Variants in TASP1 observed in about 807,000 individuals in gnomAD.
TASP1 encodes the protein taspase 1.
TASP1 carries 16 observed loss-of-function variants against 56.6 expected under a neutral mutation model. The ratio of observed to expected loss-of-function variants is 0.28; its 90% confidence interval spans 0.19 to 0.43. The LOEUF is 0.43. TASP1 is among the 20% of genes least tolerant of loss of function. The pLI, the probability that TASP1 is intolerant of heterozygous loss-of-function variation, is 1.00. For missense variants in TASP1, 393 were observed against 511.6 expected, an observed-to-expected ratio of 0.77 and a Z score of 2.24; for synonymous variants, 179 against 184.2, an observed-to-expected ratio of 0.97 and a Z score of 0.23.
intron 11 of TASP1, among the ~76,000 whole-genome samples, chr20:13,476,834 TA>T (rs2042965454): frequency 6.6e-6 from 1 of 152,212 alleles, no homozygotes; most frequent in South Asian, 2.1e-4. Flanking sequence ...TCACAGCATT[TA>T]TAACAGTGAA....
intron 10 of TASP1, among the ~76,000 whole-genome samples, chr20:13,484,278 G>T (rs2043243581): frequency 6.6e-6 from 1 of 152,156 alleles, no homozygotes; most frequent in Non-Finnish European, 1.5e-5. Context: ...AACTGAAAAT[G>T]CCATTTGACC....
intron 13 of TASP1, among the ~76,000 whole-genome samples, chr20:13,408,936 CTTTG>C (rs915238270): frequency 6.6e-6 from 1 of 151,668 alleles, no homozygotes; most frequent in Non-Finnish European, 1.5e-5. Context: ...CTTCGTCTAG[CTTTG>C]TTTTTCTCCA....
chr20:13,519,916 C>T (rs1464444570), intron 10 of TASP1, among the ~76,000 whole-genome samples: 1 of 152,196 alleles, frequency 6.6e-6, no homozygotes, highest in Non-Finnish European at 1.5e-5. Context: ...TAGGCAACTT[C>T]AGCAAAGTCT....
chr20:13,137,583 T>C, the TASP1 span, among the ~76,000 whole-genome samples: 1 of 152,206 alleles, frequency 6.6e-6, no homozygotes, highest in East Asian at 1.9e-4. Context: ...AGTCCCTGTT[T>C]CTGCTGAGAA....
chr20:13,438,631 C>T (rs1412976100), intron 11 of TASP1, among the ~76,000 whole-genome samples: 1 of 152,166 alleles, frequency 6.6e-6, no homozygotes, highest in Non-Finnish European at 1.5e-5. Context: ...AAAGCAATGG[C>T]AACAAAAGCC....
the TASP1 span, chr20:13,153,876 C>T: frequency 2.4e-6 from 3 of 1,256,596 alleles, no homozygotes; most frequent in Non-Finnish European, 3.3e-6. Flanking sequence ...TCTCCCTTCC[C>T]TACTTCCTCC....
In TASP1 at chr20:13,390,461, A is replaced by G. The variant is rs2041230939; in HGVS notation, c.1171-9T>C. 1.9e-6 allele frequency: 3 copies of G among 1,612,610 alleles called. No individual in the cohort carries two copies. Among genetic ancestry groups the G allele is most frequent in the Non-Finnish European group, 2.5e-6 (3 of 1,179,278 alleles). On this transcript the variant is annotated splice_polypyrimidine_tract_variant and intron_variant, in intron 13 of 13. Transcript: ENST00000337743. ...AGTCTTGAAATGTGAGTCTGCAGAG[A>G]GAGAGAGACAGCAGAGCATCAGAGG...
the TASP1 span, among the ~76,000 whole-genome samples, chr20:13,251,876 T>A: frequency 6.6e-6 from 1 of 152,168 alleles, no homozygotes; most frequent in Non-Finnish European, 1.5e-5. Flanking sequence ...CCCAGGACTC[T>A]GGTTAAAAAT....
At chr20:13,391,065 T>C (rs183805683) in intron 13 of TASP1, among the ~76,000 whole-genome samples, 2 of 152,262 alleles carry the variant, frequency 1.3e-5, no homozygotes, top group Admixed American at 1.3e-4. Context: ...TGCTGCCCTG[T>C]CTCTCAGTTT....
chr20:13,204,970 C>T, the TASP1 span, among the ~76,000 whole-genome samples: 1 of 152,082 alleles, frequency 6.6e-6, no homozygotes, highest in Admixed American at 6.5e-5. Flanking sequence ...CCAAGAGAGA[C>T]CTCTTGGAGG....
At chr20:13,395,111 A>C (rs1260761660) in intron 13 of TASP1, among the ~76,000 whole-genome samples, 2 of 152,218 alleles carry the variant, frequency 1.3e-5, no homozygotes, top group Non-Finnish European at 2.9e-5. Context: ...CACACAACTT[A>C]ATTTTAAAAG....
At chr20:13,113,403 G>C in the TASP1 span, among the ~76,000 whole-genome samples, 114,310 of 151,940 alleles carry the variant, frequency 0.75, 44,127 homozygotes, top group African/African-American at 0.94. Context: ...ACATACATCA[G>C]CACAGAGCCC....
the TASP1 span, among the ~76,000 whole-genome samples, chr20:13,249,795 G>A: frequency 1.3e-5 from 1 of 75,444 alleles, no homozygotes; most frequent in Non-Finnish European, 2.6e-5. Flanking sequence ...GTTTTGTTTT[G>A]TTTTGTTTTG....
intron 11 of TASP1, among the ~76,000 whole-genome samples, chr20:13,481,907 G>A (rs553950074): frequency 1.3e-5 from 2 of 152,038 alleles, no homozygotes; most frequent in African/African-American, 4.8e-5. Flanking sequence ...TTGCTATGGA[G>A]AAGCTTTTTA....
At chr20:13,593,705 G>A (rs909377638) in intron 4 of TASP1, among the ~76,000 whole-genome samples, 21 of 152,106 alleles carry the variant, frequency 1.4e-4, no homozygotes, top group African/African-American at 2.7e-4. Context: ...TGGGAAGCTC[G>A]AACTGGGTGG....
chr20:13,406,579 T>A (rs1442040246), intron 13 of TASP1, among the ~76,000 whole-genome samples: 1 of 152,182 alleles, frequency 6.6e-6, no homozygotes, highest in Non-Finnish European at 1.5e-5. Context: ...CACCAATTAG[T>A]ATGATTTTAG....
At chr20:13,302,902 C>A in the TASP1 span, among the ~76,000 whole-genome samples, 12 of 152,152 alleles carry the variant, frequency 7.9e-5, no homozygotes, top group Admixed American at 7.9e-4. Flanking sequence ...CATGTAACCG[C>A]CATGATTATA....
At chr20:13,569,094 A>G (rs1254590109) in intron 7 of TASP1, among the ~76,000 whole-genome samples, 1 of 152,066 alleles carries the variant, frequency 6.6e-6, no homozygotes, top group Non-Finnish European at 1.5e-5. Context: ...GTTTAACTCT[A>G]TGTAGTCACA....
chr20:13,355,365 G>C, the TASP1 span, among the ~76,000 whole-genome samples: 1 of 152,150 alleles, frequency 6.6e-6, no homozygotes, highest in Non-Finnish European at 1.5e-5. Context: ...ATAAATTGCA[G>C]CAAAACCATC....
Sources: gnomAD v4.1 joint callset for allele counts (sites outside exome capture counted in the v4.1 genomes callset) on GRCh38, gnomAD v4.1.1 for gene constraint, MANE v1.5 for transcripts, NCBI Gene and HGNC (gene_info 2026-07-23, HGNC 2026-07-21) for gene names.